Variants in KCNK9 observed in about 807,000 individuals in gnomAD.
KCNK9 encodes the protein potassium two pore domain channel subfamily K member 9.
A neutral mutation model predicts 10.8 loss-of-function variants in KCNK9; 1 was observed. That is an observed-to-expected ratio of 0.09 (90% CI 0.03 to 0.44). The LOEUF (loss-of-function observed/expected upper bound fraction) is 0.44, where lower values mean the gene tolerates loss of function less well. Ranked by LOEUF, KCNK9 falls within the 20% of genes least tolerant of loss-of-function variation. The pLI is 0.97. For synonymous variants in KCNK9, 231 were observed against 222.7 expected (o/e 1.04, Z -0.33); for missense variants, 303 against 515.0 (o/e 0.59, Z 3.98).
At chr8:139,609,508 C>T (rs575028572), downstream of KCNK9, among the ~76,000 whole-genome samples, 1 of 152,284 alleles carries the variant, frequency 6.6e-6, no homozygotes, top group African/African-American at 2.4e-5. Flanking sequence ...TCAGGCCAAG[C>T]CCAAAGGTAA....
chr8:139,662,538 CACCAGGTCCT>C (rs896424654), intron 1 of KCNK9, among the ~76,000 whole-genome samples: 21 of 152,154 alleles, frequency 1.4e-4, no homozygotes, highest in African/African-American at 5.1e-4. Flanking sequence ...TGACCCCATG[CACCAGGTCCT>C]ACCAGGTCCA....
chr8:139,627,487 G>A (rs1458976825), intron 1 of KCNK9, among the ~76,000 whole-genome samples: 2 of 152,182 alleles, frequency 1.3e-5, no homozygotes, highest in Non-Finnish European at 2.9e-5. Flanking sequence ...AGCTCCTGCA[G>A]TCATTTCACT....
chr8:139,613,181 G>A (rs375339967), downstream of KCNK9, among the ~76,000 whole-genome samples: 6 of 152,224 alleles, frequency 3.9e-5, no homozygotes, highest in Admixed American at 3.9e-4. Context: ...CAGACATGAC[G>A]ACACATTGTC....
At chr8:139,663,695 TAGAG>T (rs531755206) in intron 1 of KCNK9, among the ~76,000 whole-genome samples, 86 of 112,198 alleles carry the variant, frequency 7.7e-4, no homozygotes, top group South Asian at 6.8e-3. Flanking sequence ...GAGAGAGAGA[TAGAG>T]AGAGAGAAGG....
At chr8:139,647,584 C>T (rs1271101971) in intron 1 of KCNK9, among the ~76,000 whole-genome samples, 2 of 152,144 alleles carry the variant, frequency 1.3e-5, no homozygotes, top group African/African-American at 4.8e-5. Context: ...CCCTGAGACA[C>T]CTACCTGCAT....
downstream of KCNK9, among the ~76,000 whole-genome samples, chr8:139,615,419 A>G (rs528925530): frequency 1.9e-4 from 29 of 152,266 alleles, no homozygotes; most frequent in African/African-American, 6.7e-4. Flanking sequence ...AAGAACCCTG[A>G]ACCCTTAACT....
chr8:139,659,214 G>C (rs563066584), intron 1 of KCNK9, among the ~76,000 whole-genome samples: 2 of 152,328 alleles, frequency 1.3e-5, no homozygotes, highest in East Asian at 3.9e-4. Context: ...ACTTGCTAAA[G>C]GTCCCTCACT....
chr8:139,663,029 T>TTCTAA (rs372405534), intron 1 of KCNK9, among the ~76,000 whole-genome samples: 4 of 152,060 alleles, frequency 2.6e-5, no homozygotes, highest in African/African-American at 9.6e-5. Context: ...CCCCACAAAG[T>TTCTAA]GCCCCAGTGC....
At chr8:139,684,785 A>G (rs1174363676) in intron 1 of KCNK9, among the ~76,000 whole-genome samples, 3 of 152,262 alleles carry the variant, frequency 2.0e-5, no homozygotes, top group Admixed American at 6.5e-5. Flanking sequence ...CTCAGAAATT[A>G]AGTAGACCTG....
chr8:139,643,299 C>T (rs1241859379), intron 1 of KCNK9, among the ~76,000 whole-genome samples: 2 of 152,246 alleles, frequency 1.3e-5, no homozygotes, highest in African/African-American at 2.4e-5. Flanking sequence ...GCCGCGACCC[C>T]CGCCTGTCTG....
chr8:139,622,284 A>G (rs1237368197), intron 1 of KCNK9, among the ~76,000 whole-genome samples: 1 of 152,094 alleles, frequency 6.6e-6, no homozygotes, highest in African/African-American at 2.4e-5. Flanking sequence ...TTCCCTCTCA[A>G]GTGAGAGACA....
downstream of KCNK9, chr8:139,600,873 G>T (rs1169113854): frequency 6.6e-6 from 1 of 152,222 alleles, no homozygotes; most frequent in Non-Finnish European, 1.5e-5. Flanking sequence ...TTTATTACAA[G>T]CATCACATAC....
At chr8:139,653,793 G>T (rs1246706283) in intron 1 of KCNK9, among the ~76,000 whole-genome samples, 1 of 152,200 alleles carries the variant, frequency 6.6e-6, no homozygotes, top group East Asian at 1.9e-4. Flanking sequence ...CTTCCACACT[G>T]TCCAGAGGCC....
intron 1 of KCNK9, among the ~76,000 whole-genome samples, chr8:139,700,496 ACACACACACACACGCGCGCGCGCG>A (rs1817180857): frequency 2.9e-5 from 4 of 137,188 alleles, no homozygotes; most frequent in Admixed American, 1.5e-4. Flanking sequence ...ACACACACAC[ACACACACACACACGCGCGCGCGCG>A]CACACACACA....
intron 1 of KCNK9, among the ~76,000 whole-genome samples, chr8:139,631,482 A>G (rs552372286): frequency 6.6e-6 from 1 of 152,212 alleles, no homozygotes; most frequent in African/African-American, 2.4e-5. Flanking sequence ...CAGCCTCTGC[A>G]CTCAGAGCCT....
intron 1 of KCNK9, among the ~76,000 whole-genome samples, chr8:139,675,518 C>T (rs1816529203): frequency 6.6e-6 from 1 of 152,202 alleles, no homozygotes; most frequent in South Asian, 2.1e-4. Flanking sequence ...CATGAGGACA[C>T]AGGAGAAGTC....
intron 1 of KCNK9, among the ~76,000 whole-genome samples, chr8:139,662,099 G>C (rs1228293113): frequency 6.6e-6 from 1 of 152,190 alleles, no homozygotes; most frequent in Admixed American, 6.5e-5. Context: ...CCTGACTGTG[G>C]TCAGGGGCCC....
At chr8:139,641,210 T>C (rs948875382) in intron 1 of KCNK9, among the ~76,000 whole-genome samples, 5 of 152,154 alleles carry the variant, frequency 3.3e-5, no homozygotes, top group Non-Finnish European at 5.9e-5. Flanking sequence ...GTGAGAACCC[T>C]GGGCCCGGAC....
At chr8:139,608,572 C>T (rs957368644), downstream of KCNK9, among the ~76,000 whole-genome samples, 3 of 151,982 alleles carry the variant, frequency 2.0e-5, no homozygotes, top group Non-Finnish European at 2.9e-5. Flanking sequence ...GAGGCTCTTG[C>T]ACCCCCACCA....
Sources: gnomAD v4.1 joint callset for allele counts (sites outside exome capture counted in the v4.1 genomes callset) on GRCh38, gnomAD v4.1.1 for gene constraint, MANE v1.5 for transcripts, NCBI Gene and HGNC (gene_info 2026-07-23, HGNC 2026-07-21) for gene names.